Variants in TEX9 observed in about 807,000 individuals in gnomAD.
The protein encoded by TEX9 is testis expressed 9.
In TEX9, 74 loss-of-function variants were observed where a neutral mutation model predicts 59.6. The ratio of observed to expected loss-of-function variants is 1.24; its 90% CI spans 1.03 to 1.51. The LOEUF is 1.51. Ranked by LOEUF, TEX9 falls within the 40% of genes most tolerant of loss-of-function variation. TEX9 has a pLI of 0.00. For synonymous variants in TEX9, 186 were observed against 152.2 expected (o/e 1.22, Z -1.64); for missense variants, 522 against 447.8 (o/e 1.17, Z -1.49).
chr15:56,366,857 C>T (rs1348251875), intron 2 of TEX9, among the ~76,000 whole-genome samples: 8 of 152,114 alleles, frequency 5.3e-5, no homozygotes, highest in African/African-American at 1.4e-4. Context: ...ACCAATTTAC[C>T]ACAGCAAGTA....
intron 1 of TEX9, among the ~76,000 whole-genome samples, chr15:56,310,554 A>G (rs2045587631): frequency 6.6e-6 from 1 of 152,230 alleles, no homozygotes; most frequent in Non-Finnish European, 1.5e-5. Flanking sequence ...GGTCAAGGAC[A>G]GAATCTTTGT....
At chr15:56,261,016 T>C (rs1308545539) in intron 1 of TEX9, among the ~76,000 whole-genome samples, 1 of 151,894 alleles carries the variant, frequency 6.6e-6, no homozygotes, top group Non-Finnish European at 1.5e-5. Context: ...AATGTATTTA[T>C]ATAAAATTAT....
chr15:56,383,478 A>C (rs2047825780), intron 3 of TEX9, among the ~76,000 whole-genome samples: 1 of 152,140 alleles, frequency 6.6e-6, no homozygotes, highest in East Asian at 1.9e-4. Flanking sequence ...CTCTTGCCTC[A>C]CTTTCATTTC....
intron 1 of TEX9, among the ~76,000 whole-genome samples, chr15:56,336,310 T>C (rs2046255735): frequency 1.3e-5 from 2 of 152,130 alleles, no homozygotes. Context: ...TATTTGAAGG[T>C]GGGGCCTTTG....
chr15:56,453,966 G>A, the TEX9 span, among the ~76,000 whole-genome samples: 5 of 152,204 alleles, frequency 3.3e-5, no homozygotes, highest in East Asian at 9.6e-4. Context: ...AAGCACCAGA[G>A]CAGTTCCCTG....
chr15:56,440,189 A>G (rs886206125), intron 12 of TEX9, among the ~76,000 whole-genome samples: 1 of 152,206 alleles, frequency 6.6e-6, no homozygotes. Context: ...ATCATTAGTC[A>G]TCAGGAAAAT....
At chr15:56,262,970 T>C (rs1178301828) in intron 1 of TEX9, among the ~76,000 whole-genome samples, 1 of 152,232 alleles carries the variant, frequency 6.6e-6, no homozygotes, top group African/African-American at 2.4e-5. Context: ...ATTCTTTTGC[T>C]TTCACTCAGT....
Position 56,274,577 on chromosome 15 carries a change from G to A in TEX9, c.-107+30299G>A, listed in dbSNP as rs528823539. 27 of 152,218 alleles carry A rather than the reference G, an allele frequency of 1.8e-4. 1 individual carries two copies. Among genetic ancestry groups the A allele is most frequent in the African/African-American group, 6.3e-4 (26 of 41,536 alleles). 9.4% of individuals were successfully genotyped at this position (152,218 alleles called of 1,614,324 possible). On this transcript the variant is annotated intron_variant, in intron 1 of 5. Coordinates refer to the TEX9 transcript ENST00000560827. ...ATTTGTCTGTCATCCTTGCACAGGA[G>A]CCATGCTAATCTTCTCTGTATCATT...
chr15:56,394,586 C>T (rs559061673), intron 8 of TEX9, 75 bp from the exon 9 acceptor site: 94 of 1,072,644 alleles, frequency 8.8e-5, no homozygotes, highest in South Asian at 8.7e-4. Context: ...ACATATGAAA[C>T]GTCTTTTTTT....
intron 1 of TEX9, among the ~76,000 whole-genome samples, chr15:56,360,203 C>G (rs529805295): frequency 1.5e-4 from 23 of 152,206 alleles, no homozygotes; most frequent in African/African-American, 5.5e-4. Context: ...CCTATAATGT[C>G]TTTAACTGCT....
intron 1 of TEX9, among the ~76,000 whole-genome samples, chr15:56,347,629 A>G (rs2046497060): frequency 6.6e-6 from 1 of 151,566 alleles, no homozygotes; most frequent in African/African-American, 2.4e-5. Flanking sequence ...ATTGGACTGC[A>G]GACTTAAACA....
intron 1 of TEX9, among the ~76,000 whole-genome samples, chr15:56,355,310 A>G (rs1412126996): frequency 6.6e-6 from 1 of 152,168 alleles, no homozygotes; most frequent in African/African-American, 2.4e-5. Flanking sequence ...AGACACTGTC[A>G]AATTACTTTC....
intron 1 of TEX9, among the ~76,000 whole-genome samples, chr15:56,268,684 C>T: frequency 6.6e-6 from 1 of 151,998 alleles, no homozygotes. Context: ...CCAACTTGAT[C>T]TCGGTGGATA....
In TEX9 at chr15:56,300,689, G is replaced by A. The variant is rs560473497; in HGVS notation, c.-107+56411G>A. 1.3e-4 allele frequency among the ~76,000 whole-genome samples: 7 copies of A among 53,602 alleles called. No homozygotes were observed. In the South Asian group the frequency reaches 3.6e-3, roughly 27 times the overall value. 35.2% of individuals were successfully genotyped at this position (53,602 alleles called of 152,430 possible). A position where few individuals can be genotyped will look rare whatever the true frequency, so the allele number is the denominator to read the frequency against. On this transcript the variant is annotated intron_variant, in intron 1 of 5. Transcript: ENST00000560827. ...CTCCAGTTCCAAGCAACTCAGCAGAGAGAGAGAGAGAGAGAGAGGGAGAGA... is the reference window on the plus strand; with the variant it reads ...CTCCAGTTCCAAGCAACTCAGCAGAAAGAGAGAGAGAGAGAGAGGGAGAGA...
intron 2 of TEX9, among the ~76,000 whole-genome samples, chr15:56,367,757 C>G (rs1336284619): frequency 1.3e-5 from 2 of 151,994 alleles, no homozygotes; most frequent in Admixed American, 1.3e-4. Context: ...AAAATTCTTG[C>G]GTATATAATT....
At chr15:56,376,438 T>C (rs1185927300) in intron 3 of TEX9, among the ~76,000 whole-genome samples, 1 of 152,158 alleles carries the variant, frequency 6.6e-6, no homozygotes, top group Non-Finnish European at 1.5e-5. Context: ...GCCTGTCTTT[T>C]GGATATAAGC....
chr15:56,420,124 C>A (rs1232200962), intron 10 of TEX9, among the ~76,000 whole-genome samples: 7 of 151,672 alleles, frequency 4.6e-5, no homozygotes, highest in African/African-American at 1.5e-4. Context: ...TCATTCCCCC[C>A]TCTCATTCTT....
chr15:56,438,581 T>C (rs1201305861), intron 12 of TEX9, among the ~76,000 whole-genome samples: 2 of 152,074 alleles, frequency 1.3e-5, no homozygotes, highest in East Asian at 3.9e-4. Context: ...GACATAGGCA[T>C]GGGCAAGGAC....
intron 1 of TEX9, among the ~76,000 whole-genome samples, chr15:56,331,148 T>C (rs920887671): frequency 6.6e-6 from 1 of 152,150 alleles, no homozygotes; most frequent in Non-Finnish European, 1.5e-5. Context: ...GACTTAGATA[T>C]ATAAAGCAAA....
Sources: allele counts gnomAD v4.1 joint callset (sites outside exome capture counted in the v4.1 genomes callset), GRCh38; gene constraint gnomAD v4.1.1; transcripts MANE v1.5; gene names NCBI Gene and HGNC (gene_info 2026-07-23, HGNC 2026-07-21).